RIT2: variants seen among roughly 807,000 people sequenced by gnomAD.
RIT2 encodes GTP-binding protein Rit2.
In RIT2, 24 loss-of-function variants were observed where a neutral mutation model predicts 23.7. The observed-to-expected ratio is 1.01, with a 90% confidence interval of 0.73 to 1.43. RIT2 has a LOEUF of 1.43. RIT2 is among the 40% of genes most tolerant of loss of function. The pLI, the probability that RIT2 is intolerant of heterozygous loss-of-function variation, is 0.00. For missense variants in RIT2, 236 were observed against 266.9 expected, an observed-to-expected ratio of 0.88 and a Z score of 0.81; for synonymous variants, 107 against 91.1, an observed-to-expected ratio of 1.17 and a Z score of -0.99.
intron 1 of RIT2, among the ~76,000 whole-genome samples, chr18:43,081,181 G>A (rs182129782): frequency 1.1e-3 from 172 of 152,118 alleles, no homozygotes; most frequent in African/African-American, 3.8e-3. Context: ...TAATAAAAAG[G>A]CCTAAAAATA....
chr18:43,055,589 T>G (rs1912482862), intron 1 of RIT2, among the ~76,000 whole-genome samples: 2 of 152,118 alleles, frequency 1.3e-5, no homozygotes, highest in Non-Finnish European at 2.9e-5. Flanking sequence ...ATACTACATT[T>G]TTTGTAGCTC....
At chr18:43,100,205 C>G (rs745888220) in intron 1 of RIT2, among the ~76,000 whole-genome samples, 2 of 151,728 alleles carry the variant, frequency 1.3e-5, no homozygotes, top group African/African-American at 4.8e-5. Flanking sequence ...TCCATTGATG[C>G]GACAATAGGA....
intron 4 of RIT2, among the ~76,000 whole-genome samples, chr18:42,866,897 G>T (rs1368771674): frequency 6.6e-6 from 1 of 152,020 alleles, no homozygotes; most frequent in African/African-American, 2.4e-5. Context: ...CATGGCTTTT[G>T]TTCTATTTTG....
chr18:42,927,197 TA>T (rs945160071), intron 3 of RIT2, among the ~76,000 whole-genome samples: 1 of 151,976 alleles, frequency 6.6e-6, no homozygotes, highest in Non-Finnish European at 1.5e-5. Flanking sequence ...GTTTTTTATG[TA>T]AGCTTAATCA....
chr18:42,880,020 A>G (rs973155151), intron 4 of RIT2, among the ~76,000 whole-genome samples: 1 of 152,138 alleles, frequency 6.6e-6, no homozygotes, highest in Admixed American at 6.5e-5. Flanking sequence ...TAGTCACCCA[A>G]TGTTCACTTA....
At chr18:43,081,344 C>T (rs1340100099) in intron 1 of RIT2, among the ~76,000 whole-genome samples, 1 of 152,128 alleles carries the variant, frequency 6.6e-6, no homozygotes, top group African/African-American at 2.4e-5. Flanking sequence ...TTCATAATAA[C>T]TGTAATGATA....
rs188644660 is a variant in RIT2 at position 42,830,206 on chromosome 18, A to G, written c.427-86486T>C. On this transcript the variant is annotated intron_variant, in intron 4 of 4. Coordinates refer to ENST00000326695, the MANE Select transcript of RIT2 (RefSeq NM_002930.4). ...CACTTCTTTCAAGGTCAGGCTCATAAAGCCACTATCTGAAGTGGTAAGGAC... is the reference window on the plus strand; with the variant it reads ...CACTTCTTTCAAGGTCAGGCTCATAGAGCCACTATCTGAAGTGGTAAGGAC... 4.4e-4 allele frequency among the ~76,000 whole-genome samples: 67 copies of G among 152,310 alleles called. 1 individual carries two copies. In the East Asian group the frequency reaches 0.012, roughly 28 times the overall value.
intron 4 of RIT2, among the ~76,000 whole-genome samples, chr18:42,829,077 G>T (rs1906384672): frequency 6.6e-6 from 1 of 152,034 alleles, no homozygotes; most frequent in Non-Finnish European, 1.5e-5. Context: ...ATCCTTCCTG[G>T]ATCATTGGAA....
chr18:43,099,482 T>C lies in RIT2; in HGVS notation c.103+15935A>G, dbSNP rs528273168. 7.9e-5 allele frequency among the ~76,000 whole-genome samples: 12 copies of C among 152,068 alleles called. No individual in the cohort carries two copies. In the South Asian group the frequency reaches 2.5e-3, roughly 32 times the overall value. On this transcript the variant is annotated intron_variant, in intron 1 of 4. Coordinates refer to ENST00000326695, the MANE Select transcript of RIT2 (RefSeq NM_002930.4). ...TTAATATAAACTATCAGTCTTTTTGTTAATATAATAAAAAATAATAACTTC... is the reference window on the plus strand; with the variant it reads ...TTAATATAAACTATCAGTCTTTTTGCTAATATAATAAAAAATAATAACTTC...
chr18:42,868,888 AAT>A (rs1907542757), intron 4 of RIT2, among the ~76,000 whole-genome samples: 1 of 152,198 alleles, frequency 6.6e-6, no homozygotes, highest in African/African-American at 2.4e-5. Context: ...TTAGTACACC[AAT>A]TATAAAACGT....
At chr18:42,924,362 G>A (rs1023028089) in intron 3 of RIT2, among the ~76,000 whole-genome samples, 2 of 151,910 alleles carry the variant, frequency 1.3e-5, no homozygotes, top group African/African-American at 4.8e-5. Flanking sequence ...GTATTAATTT[G>A]TCTCATGAAG....
chr18:43,088,899 A>G (rs977360121), intron 1 of RIT2, among the ~76,000 whole-genome samples: 1 of 152,142 alleles, frequency 6.6e-6, no homozygotes, highest in African/African-American at 2.4e-5. Flanking sequence ...TACGGAAAAA[A>G]CATGAGGCAA....
At chr18:42,919,791 C>T (rs1278911941) in intron 4 of RIT2, among the ~76,000 whole-genome samples, 1 of 152,024 alleles carries the variant, frequency 6.6e-6, no homozygotes, top group African/African-American at 2.4e-5. Context: ...ACTTCCTTCA[C>T]TCATAGACTG....
At chr18:42,947,678 T>G (rs1342611421) in intron 3 of RIT2, among the ~76,000 whole-genome samples, 7 of 151,978 alleles carry the variant, frequency 4.6e-5, no homozygotes, top group Admixed American at 1.3e-4. Flanking sequence ...TATCCCAACA[T>G]AGTAAGCATG....
chr18:42,943,105 C>T (rs921630564), intron 3 of RIT2, among the ~76,000 whole-genome samples: 5 of 152,088 alleles, frequency 3.3e-5, no homozygotes, highest in Admixed American at 3.3e-4. Flanking sequence ...TGGAAGGGGA[C>T]CCGAACAGGT....
chr18:43,100,321 G>A (rs955303154), intron 1 of RIT2, among the ~76,000 whole-genome samples: 1 of 152,144 alleles, frequency 6.6e-6, no homozygotes, highest in Admixed American at 6.5e-5. Context: ...AAGTGTGCCT[G>A]TCTGGCATAT....
rs138946399 is a variant in RIT2, at chr18:42,922,938, T to C, written c.426+634A>G. ...GGAGGGAAAGATTCTGTTTTGATCA[T>C]CTATTGCTGCATGAAAAATTACCCC... On this transcript the variant is annotated intron_variant, in intron 4 of 4. Coordinates refer to ENST00000326695, the MANE Select transcript of RIT2 (RefSeq NM_002930.4). Among the ~76,000 whole-genome samples, 653 of 152,220 alleles carry C rather than the reference T, an allele frequency of 4.3e-3. 8 individuals carry two copies. The highest frequency in any genetic ancestry group is 0.015 in the African/African-American group (615 of 41,534).
chr18:42,929,661 A>G (rs567473664), intron 3 of RIT2, among the ~76,000 whole-genome samples: 1 of 152,296 alleles, frequency 6.6e-6, no homozygotes, highest in South Asian at 2.1e-4. Context: ...ATGTGAGGCT[A>G]CTTGTTCAAA....
intron 4 of RIT2, among the ~76,000 whole-genome samples, chr18:42,905,736 G>C (rs9958449): frequency 0.15 from 23,439 of 151,754 alleles, 2,431 homozygotes; most frequent in East Asian, 0.6. Flanking sequence ...GCCTCCCAAA[G>C]TGCTGGGATT....
Sources: gnomAD v4.1 joint callset for allele counts (sites outside exome capture counted in the v4.1 genomes callset) on GRCh38, gnomAD v4.1.1 for gene constraint, MANE v1.5 for transcripts, NCBI Gene and HGNC (gene_info 2026-07-23, HGNC 2026-07-21) for gene names.